The following NAALADL2 variants were observed in gnomAD, a reference collection of about 807,000 sequenced individuals.
NAALADL2 encodes inactive N-acetylated-alpha-linked acidic dipeptidase-like protein 2.
NAALADL2 carries 76 observed loss-of-function variants against 87.2 expected under a neutral mutation model. The ratio of observed to expected loss-of-function variants is 0.87; its 90% CI spans 0.72 to 1.05. NAALADL2 has a LOEUF of 1.05. Ranked by LOEUF, NAALADL2 falls within the 50% of genes least tolerant of loss-of-function variation. NAALADL2 has a pLI of 0.00. For missense variants in NAALADL2, 1,089 were observed against 945.8 expected, an observed-to-expected ratio of 1.15 and a Z score of -1.99; for synonymous variants, 354 against 331.0, an observed-to-expected ratio of 1.07 and a Z score of -0.75.
chr3:175,234,869 A>G (rs1023585819), intron 3 of NAALADL2: 2 of 152,156 alleles, frequency 1.3e-5, no homozygotes, highest in African/African-American at 4.8e-5. Flanking sequence ...ATTGGAGTCA[A>G]TAATAGTTCC....
intron 2 of NAALADL2, among the ~76,000 whole-genome samples, chr3:174,586,316 T>C (rs760969434): frequency 3.9e-5 from 6 of 152,200 alleles, no homozygotes; most frequent in Non-Finnish European, 7.3e-5. Flanking sequence ...TTTTTAAAAA[T>C]ACGATAAATA....
intron 5 of NAALADL2, among the ~76,000 whole-genome samples, chr3:175,409,902 A>G (rs1417020387): frequency 1.3e-5 from 2 of 152,080 alleles, no homozygotes; most frequent in Non-Finnish European, 2.9e-5. Context: ...TTTTAAAAGT[A>G]AAATTCATCA....
At chr3:174,469,707 G>A (rs1478496561) in intron 1 of NAALADL2, among the ~76,000 whole-genome samples, 2 of 152,104 alleles carry the variant, frequency 1.3e-5, no homozygotes, top group Non-Finnish European at 2.9e-5. Context: ...TGGGATTACA[G>A]GCATGAGCCA....
chr3:175,084,196 G>A (rs11915224), intron 1 of NAALADL2, among the ~76,000 whole-genome samples: 5 of 151,852 alleles, frequency 3.3e-5, no homozygotes, highest in Admixed American at 2.6e-4. Flanking sequence ...TGAGTAAAAA[G>A]CTACCCCCCA....
intron 1 of NAALADL2, among the ~76,000 whole-genome samples, chr3:174,886,441 A>G (rs1730162362): frequency 1.3e-5 from 2 of 152,130 alleles, no homozygotes; most frequent in Admixed American, 1.3e-4. Flanking sequence ...TCCTCTGGAA[A>G]CACCCTCACA....
At chr3:175,609,737 G>A (rs955662960) in intron 10 of NAALADL2, 3 of 152,098 alleles carry the variant, frequency 2.0e-5, no homozygotes, top group African/African-American at 7.2e-5. Flanking sequence ...GCATAGCAGA[G>A]GGGAAATTAA....
chr3:175,784,100 T>G (rs1316380224), intron 13 of NAALADL2, among the ~76,000 whole-genome samples: 1 of 150,040 alleles, frequency 6.7e-6, no homozygotes, highest in Non-Finnish European at 1.5e-5. Flanking sequence ...CTGGATTCGT[T>G]TTGCCAGTAT....
At chr3:175,202,512 C>G (rs1196685234) in intron 2 of NAALADL2, among the ~76,000 whole-genome samples, 1 of 152,062 alleles carries the variant, frequency 6.6e-6, no homozygotes, top group Non-Finnish European at 1.5e-5. Flanking sequence ...TCCCACTGAT[C>G]CAAAGAAAAG....
At chr3:174,978,334 T>C (rs987764830) in intron 1 of NAALADL2, among the ~76,000 whole-genome samples, 8 of 152,254 alleles carry the variant, frequency 5.3e-5, no homozygotes, top group African/African-American at 1.9e-4. Flanking sequence ...TTTTAATTTA[T>C]GTATTCATGG....
chr3:174,994,042 T>C (rs747525973), intron 1 of NAALADL2, among the ~76,000 whole-genome samples: 1 of 152,232 alleles, frequency 6.6e-6, no homozygotes, highest in Admixed American at 6.5e-5. Context: ...TGACCTCATC[T>C]TAACTTGCTT....
chr3:174,827,789 C>T (rs1348417611), intron 3 of NAALADL2, among the ~76,000 whole-genome samples: 1 of 152,138 alleles, frequency 6.6e-6, no homozygotes, highest in Non-Finnish European at 1.5e-5. Flanking sequence ...TGAACAAAGA[C>T]CCTACCTTTT....
At chr3:175,100,853 A>AG (rs1366835252) in intron 2 of NAALADL2, among the ~76,000 whole-genome samples, 11 of 151,892 alleles carry the variant, frequency 7.2e-5, no homozygotes, top group African/African-American at 2.7e-4. Context: ...AAAAAAAAAA[A>AG]AAAAAAAATT....
chr3:175,653,790 C>G (rs1202477303), intron 11 of NAALADL2, among the ~76,000 whole-genome samples: 3 of 152,122 alleles, frequency 2.0e-5, no homozygotes, highest in Non-Finnish European at 4.4e-5. Flanking sequence ...GTTTTCCTTT[C>G]CATAGAGTAC....
intron 5 of NAALADL2, among the ~76,000 whole-genome samples, chr3:175,352,418 C>T (rs1208228467): frequency 6.6e-6 from 1 of 152,106 alleles, no homozygotes; most frequent in African/African-American, 2.4e-5. Context: ...CCTCATCTGT[C>T]AAATTCACTA....
chr3:175,419,180 G>A (rs556351439), intron 5 of NAALADL2, among the ~76,000 whole-genome samples: 1 of 151,864 alleles, frequency 6.6e-6, no homozygotes, highest in South Asian at 2.1e-4. Flanking sequence ...AAATGTATTG[G>A]GGGAGGGGTC....
chr3:175,011,402 A>G (rs1391956059), intron 1 of NAALADL2, among the ~76,000 whole-genome samples: 1 of 152,118 alleles, frequency 6.6e-6, no homozygotes, highest in Non-Finnish European at 1.5e-5. Context: ...TGGTCACTGG[A>G]CCACTTTCCA....
chr3:175,547,586 G>C lies in NAALADL2; in HGVS notation c.1654-28455G>C, dbSNP rs141900531. Among the ~76,000 whole-genome samples, 1,306 of 152,196 alleles carry C rather than the reference G, an allele frequency of 8.6e-3. 24 individuals are homozygous for C. The highest frequency in any genetic ancestry group is 0.03 in the African/African-American group (1,240 of 41,534). ...AATCTAATTAAACTAAAGAGCTTCTGCACCGCAAAATAAACTATCATCAGC... is the reference window on the plus strand; with the variant it reads ...AATCTAATTAAACTAAAGAGCTTCTCCACCGCAAAATAAACTATCATCAGC... On this transcript the variant is annotated intron_variant, in intron 9 of 13. Coordinates refer to ENST00000454872, the MANE Select transcript of NAALADL2 (RefSeq NM_207015.3).
chr3:175,276,403 G>A (rs1385151510), intron 4 of NAALADL2, among the ~76,000 whole-genome samples: 4 of 149,468 alleles, frequency 2.7e-5, no homozygotes, highest in East Asian at 3.9e-4. Context: ...AGGTTCAAAC[G>A]ATTCTCTTGC....
At chr3:175,715,215 C>A (rs953763890) in intron 11 of NAALADL2, among the ~76,000 whole-genome samples, 2 of 152,204 alleles carry the variant, frequency 1.3e-5, no homozygotes, top group South Asian at 4.1e-4. Context: ...TGGACAGATC[C>A]AGGGTTAAAA....
Sources: allele counts gnomAD v4.1 joint callset (sites outside exome capture counted in the v4.1 genomes callset), GRCh38; gene constraint gnomAD v4.1.1; transcripts MANE v1.5; gene names NCBI Gene and HGNC (gene_info 2026-07-23, HGNC 2026-07-21).